PDZRN4: variants seen among roughly 807,000 people sequenced by gnomAD.
PDZRN4 encodes the protein PDZ domain containing ring finger 4.
A neutral mutation model predicts 99.0 loss-of-function variants in PDZRN4; 70 were observed. That is an observed-to-expected ratio of 0.71 (90% CI 0.58 to 0.86). The LOEUF is 0.86. Ranked by LOEUF, PDZRN4 falls within the 40% of genes least tolerant of loss-of-function variation. The pLI is 0.00. For missense variants in PDZRN4, 1,474 were observed against 1,331.2 expected (o/e 1.11, Z -1.67); for synonymous variants, 551 against 501.6 (o/e 1.10, Z -1.32).
chr12:41,516,752 G>T (rs1310809766), intron 5 of PDZRN4, among the ~76,000 whole-genome samples: 1 of 151,366 alleles, frequency 6.6e-6, no homozygotes, highest in Non-Finnish European at 1.5e-5. Context: ...TTGATGTATG[G>T]CTCATTATGA....
At chr12:41,346,494 A>G (rs921347695) in intron 3 of PDZRN4, among the ~76,000 whole-genome samples, 1 of 151,858 alleles carries the variant, frequency 6.6e-6, no homozygotes, top group Admixed American at 6.6e-5. Flanking sequence ...TAAAAATAAA[A>G]ATAAATTAAA....
At chr12:41,502,410 G>C (rs1938127133) in intron 3 of PDZRN4, among the ~76,000 whole-genome samples, 1 of 152,038 alleles carries the variant, frequency 6.6e-6, no homozygotes, top group Non-Finnish European at 1.5e-5. Flanking sequence ...TTTTCCTATG[G>C]TATGCTTAAA....
intron 5 of PDZRN4, among the ~76,000 whole-genome samples, chr12:41,528,643 A>G (rs1487159357): frequency 6.6e-6 from 1 of 152,214 alleles, no homozygotes; most frequent in Non-Finnish European, 1.5e-5. Context: ...TTAGCTCCAG[A>G]CCATCCTGCC....
chr12:41,403,507 T>C (rs1012373334), intron 3 of PDZRN4, among the ~76,000 whole-genome samples: 1 of 152,148 alleles, frequency 6.6e-6, no homozygotes, highest in African/African-American at 2.4e-5. Flanking sequence ...CATATGCCCC[T>C]CACTCCAAGG....
chr12:41,214,844 T>C (rs151142264), intron 3 of PDZRN4, among the ~76,000 whole-genome samples: 28 of 152,186 alleles, frequency 1.8e-4, no homozygotes, highest in African/African-American at 6.5e-4. Context: ...ACAAATTTGA[T>C]CATACTTTGG....
intron 3 of PDZRN4, among the ~76,000 whole-genome samples, chr12:41,247,068 T>C (rs1302521903): frequency 6.6e-6 from 1 of 152,174 alleles, no homozygotes; most frequent in Non-Finnish European, 1.5e-5. Context: ...CAGTCTTCTC[T>C]GCTAGGCACT....
intron 3 of PDZRN4, among the ~76,000 whole-genome samples, chr12:41,302,641 ATTTG>A (rs1951543656): frequency 6.6e-6 from 1 of 152,108 alleles, no homozygotes; most frequent in Admixed American, 6.6e-5. Flanking sequence ...TTCATGCTGA[ATTTG>A]CACAGTGCGT....
intron 7 of PDZRN4, among the ~76,000 whole-genome samples, chr12:41,560,960 C>A (rs1305616027): frequency 6.6e-6 from 1 of 152,134 alleles, no homozygotes; most frequent in Non-Finnish European, 1.5e-5. Context: ...TGACAGATTT[C>A]TGTGTCAGTG....
At chr12:41,510,607 A>G (rs746067052) in intron 5 of PDZRN4, among the ~76,000 whole-genome samples, 3 of 152,164 alleles carry the variant, frequency 2.0e-5, no homozygotes, top group Non-Finnish European at 2.9e-5. Flanking sequence ...ATTTAAAAAT[A>G]AAATAGATTG....
intron 5 of PDZRN4, among the ~76,000 whole-genome samples, chr12:41,544,313 C>T (rs1425292880): frequency 6.6e-6 from 1 of 152,188 alleles, no homozygotes; most frequent in African/African-American, 2.4e-5. Flanking sequence ...TGGGTCACAT[C>T]TATTGTTTGT....
At position 41,518,773 on chromosome 12, in the gene PDZRN4, G is replaced by A. The variant is rs188827770; in HGVS notation, c.1203+8860G>A. 8.1e-4 allele frequency among the ~76,000 whole-genome samples: 123 copies of A among 152,000 alleles called. 1 individual carries two copies. The South Asian group carries it at 0.019, about 24-fold the overall frequency. On this transcript the variant is annotated intron_variant, in intron 5 of 9. Transcript: ENST00000402685. ...TTGAGACCAGTCTGGCCTATGTAGT[G>A]AGACCCCGTATCTACAAAAAAAATA...
intron 5 of PDZRN4, 143 bp from the exon 6 acceptor site, chr12:41,552,513 T>TA (rs11301675): frequency 0.026 from 10,362 of 400,570 alleles, 40 homozygotes; most frequent in East Asian, 0.052. Flanking sequence ...ATAATATTGG[T>TA]AAAAAAAAAA....
chr12:41,203,459 G>A (rs1237462607), intron 3 of PDZRN4, among the ~76,000 whole-genome samples: 4 of 151,994 alleles, frequency 2.6e-5, no homozygotes, highest in African/African-American at 7.2e-5. Context: ...TGACAAGGTA[G>A]GACTTGTGTG....
intron 3 of PDZRN4, among the ~76,000 whole-genome samples, chr12:41,283,945 G>C (rs1951405701): frequency 1.3e-5 from 2 of 152,076 alleles, no homozygotes; most frequent in Non-Finnish European, 2.9e-5. Flanking sequence ...TTTGAAAACT[G>C]GCACAAGACA....
At chr12:41,302,344 A>G (rs1951541733) in intron 3 of PDZRN4, among the ~76,000 whole-genome samples, 1 of 152,166 alleles carries the variant, frequency 6.6e-6, no homozygotes, top group Admixed American at 6.6e-5. Context: ...GTCCACTCCA[A>G]AAGATAATAT....
At chr12:41,351,129 T>C (rs1423030409) in intron 3 of PDZRN4, among the ~76,000 whole-genome samples, 4 of 152,002 alleles carry the variant, frequency 2.6e-5, no homozygotes, top group Non-Finnish European at 4.4e-5. Flanking sequence ...ATGACTTGAG[T>C]TTTACATACA....
intron 3 of PDZRN4, among the ~76,000 whole-genome samples, chr12:41,231,617 C>A (rs144498421): frequency 1.2e-4 from 18 of 152,128 alleles, no homozygotes; most frequent in Non-Finnish European, 2.2e-4. Flanking sequence ...GTCATTTTTA[C>A]TGTTTCAAAA....
At chr12:41,422,400 T>C (rs1285397273) in intron 3 of PDZRN4, among the ~76,000 whole-genome samples, 2 of 152,192 alleles carry the variant, frequency 1.3e-5, no homozygotes, top group Non-Finnish European at 2.9e-5. Flanking sequence ...ATCATTATTA[T>C]AGTAAAACTC....
At chr12:41,360,914 A>G (rs549160107) in intron 3 of PDZRN4, among the ~76,000 whole-genome samples, 6 of 151,384 alleles carry the variant, frequency 4.0e-5, no homozygotes, top group African/African-American at 7.3e-5. Flanking sequence ...CAAAAAACCT[A>G]TTTATCATTC....
Sources: gnomAD v4.1 joint callset for allele counts (sites outside exome capture counted in the v4.1 genomes callset) on GRCh38, gnomAD v4.1.1 for gene constraint, MANE v1.5 for transcripts, NCBI Gene and HGNC (gene_info 2026-07-23, HGNC 2026-07-21) for gene names.